Variants in DLG5 observed in about 807,000 individuals in gnomAD.
DLG5 encodes the protein discs large MAGUK scaffold protein 5.
Under a neutral mutation model 189.8 loss-of-function variants are expected in DLG5, and 48 were observed. The ratio of observed to expected loss-of-function variants is 0.25; its 90% CI spans 0.20 to 0.32. The LOEUF is 0.32. Ranked by LOEUF, DLG5 falls within the 10% of genes least tolerant of loss-of-function variation. DLG5 has a pLI of 1.00. For missense variants in DLG5, 2,160 were observed against 2,544.7 expected (o/e 0.85, Z 3.25); for synonymous variants, 1,016 against 1,054.1 (o/e 0.96, Z 0.70).
chr10:77,881,326 T>C (rs1387060505), intron 1 of DLG5, among the ~76,000 whole-genome samples: 1 of 152,058 alleles, frequency 6.6e-6, no homozygotes, highest in Non-Finnish European at 1.5e-5. Context: ...GAACAGGAGA[T>C]ACCTAGTAAT....
intron 20 of DLG5, among the ~76,000 whole-genome samples, chr10:77,814,390 A>G (rs1450670223): frequency 2.0e-5 from 3 of 149,198 alleles, no homozygotes. Context: ...AAGTATACTT[A>G]AACTATTAAA....
rs1253849767 is a variant in DLG5 at position 77,830,761 on chromosome 10, C to A, written c.1861G>T (p.Val621Leu). Residue 621 changes from valine (V) to leucine (L), a missense_variant, in exon 10 of 32, where the codon GTA (valine) becomes TTA (leucine). Physicochemically the swap from Val to Leu is conservative, Grantham distance 32 (BLOSUM62 1). Coordinates refer to ENST00000372391, the MANE Select transcript of DLG5 (RefSeq NM_004747.4). ...CTTACCGTCTCCCTCTCGAACTCTA[C>A]AACTTCCGTTTCCCACTCCATGGAA... ...TDSMEWETEV[V>L]EFERETEDID... is the part of the protein sequence containing the mutation. 9 of 1,614,218 alleles carry A rather than the reference C, an allele frequency of 5.6e-6. No homozygotes were observed. The highest frequency in any genetic ancestry group is 7.6e-6 in the Non-Finnish European group (9 of 1,180,036).
At chr10:77,940,355 A>T in the DLG5 span, among the ~76,000 whole-genome samples, 1 of 152,180 alleles carries the variant, frequency 6.6e-6, no homozygotes, top group Admixed American at 6.5e-5. Flanking sequence ...CTCTGAATCA[A>T]TAGGCTTTGC....
chr10:77,903,565 C>A lies in DLG5; in HGVS notation c.304+22652G>T, dbSNP rs1276092710. Among the ~76,000 whole-genome samples the A allele has an allele frequency of 4.0e-5, 6 of 150,940 alleles. No homozygotes were observed. In the East Asian group the frequency reaches 1.2e-3, roughly 29 times the overall value. Reference sequence around the variant, plus strand: ...CCTGGGAGGCAGAGGTTGCGGTGAGCCGAGATCGTGACACTGCACTTCAGC... The same window carrying A: ...CCTGGGAGGCAGAGGTTGCGGTGAGACGAGATCGTGACACTGCACTTCAGC... On this transcript the variant is annotated intron_variant, in intron 1 of 31. Transcript: ENST00000372391.
rs1471040270 is a variant in DLG5 at position 77,926,670 on chromosome 10, G to A, written c.-150C>T. 6 of 398,734 alleles carry A rather than the reference G, an allele frequency of 1.5e-5. No individual in the cohort carries two copies. In the South Asian group the frequency reaches 5.0e-4, roughly 33 times the overall value. The allele number at this position is 398,734 out of a possible 1,614,324, so 24.7% of individuals were successfully genotyped here. ...TGGGCCGGGGCCTGGGCGGGCTGGG[G>A]GCCCGGGGCGGCGGGCGGCGCTCAG... On this transcript the variant is annotated 5_prime_UTR_variant, in exon 1 of 32. Coordinates refer to ENST00000372391, the MANE Select transcript of DLG5 (RefSeq NM_004747.4). This position sits in a 1 kb window ranked among gnomAD's most constrained non-coding sequence, Gnocchi z 5.2.
chr10:77,860,240 C>G (rs1379695411), intron 2 of DLG5, among the ~76,000 whole-genome samples: 1 of 152,208 alleles, frequency 6.6e-6, no homozygotes. Flanking sequence ...TCGGTGCCTC[C>G]CAAATAACAA....
At position 77,796,972 on chromosome 10, in the gene DLG5, A is replaced by C. The variant is rs1840956820; in HGVS notation, c.5165-378T>G. 6.6e-6 allele frequency among the ~76,000 whole-genome samples: 1 copy of C among 152,196 alleles called. No individual in the cohort carries two copies. The highest frequency in any genetic ancestry group is 6.5e-5 in the Admixed American group (1 of 15,274). On this transcript the variant is annotated intron_variant, in intron 27 of 31. Transcript: ENST00000372391. The surrounding 1 kb of genome is among the most constrained non-coding windows in gnomAD (Gnocchi z 5.2). ...TCCCACTCCCCAGGAAGGTGTGGTC[A>C]GTGTAACCCAGACCTGCCCAGTGAC...
chr10:77,896,249 C>T (rs1054142430), intron 1 of DLG5, among the ~76,000 whole-genome samples: 1 of 152,068 alleles, frequency 6.6e-6, no homozygotes, highest in South Asian at 2.1e-4. Context: ...GCTAGTATAA[C>T]GTTAGCATAA....
intron 1 of DLG5, among the ~76,000 whole-genome samples, chr10:77,888,853 T>C (rs2154577584): frequency 6.6e-6 from 1 of 152,326 alleles, no homozygotes; most frequent in East Asian, 1.9e-4. Flanking sequence ...TGTGTGTGTT[T>C]GAGGGGTAGT....
intron 30 of DLG5, among the ~76,000 whole-genome samples, 178 bp downstream of exon 30, chr10:77,794,671 G>C (rs992079618): frequency 7.2e-5 from 11 of 152,230 alleles, no homozygotes; most frequent in African/African-American, 2.7e-4. Context: ...CACCACCTCT[G>C]AGTAGGGGAC....
intron 1 of DLG5, among the ~76,000 whole-genome samples, chr10:77,907,177 G>A (rs1318984287): frequency 1.3e-5 from 2 of 152,156 alleles, no homozygotes; most frequent in Non-Finnish European, 2.9e-5. Flanking sequence ...CCCTGAGTTG[G>A]GGGTAGAGTA....
At chr10:77,894,116 T>C (rs1222285910) in intron 1 of DLG5, among the ~76,000 whole-genome samples, 1 of 152,206 alleles carries the variant, frequency 6.6e-6, no homozygotes, top group Non-Finnish European at 1.5e-5. Flanking sequence ...ATCTGAACCC[T>C]AGCCTGTGTG....
intron 1 of DLG5, among the ~76,000 whole-genome samples, chr10:77,917,106 G>A (rs542375932): frequency 6.6e-6 from 1 of 151,758 alleles, no homozygotes; most frequent in Non-Finnish European, 1.5e-5. Context: ...AGGCCAAGGC[G>A]GCCAGATCGC....
intron 1 of DLG5, among the ~76,000 whole-genome samples, chr10:77,905,342 G>A (rs1008857580): frequency 3.3e-5 from 5 of 152,124 alleles, no homozygotes; most frequent in East Asian, 1.9e-4. Flanking sequence ...CAATAAACAC[G>A]TGGAATGGAG....
At chr10:77,853,615 C>A in intron 4 of DLG5, 78 bp from the exon 5 acceptor site, 1 of 1,365,292 alleles carries the variant, frequency 7.3e-7, no homozygotes, top group Non-Finnish European at 9.7e-7. Context: ...TCACCAGCCT[C>A]AGGTCCCAAC....
intron 27 of DLG5, among the ~76,000 whole-genome samples, chr10:77,798,671 G>C (rs887266842): frequency 6.6e-6 from 1 of 152,250 alleles, no homozygotes; most frequent in East Asian, 1.9e-4. Context: ...CTGGTGATTC[G>C]TCGTGGGCCG....
intron 1 of DLG5, among the ~76,000 whole-genome samples, chr10:77,925,779 A>C (rs1339065788): frequency 6.6e-6 from 1 of 152,182 alleles, no homozygotes; most frequent in Admixed American, 6.5e-5. Context: ...GCCCCGGCAC[A>C]GGATGGCAGC....
chr10:77,821,540 G>A lies in DLG5; in HGVS notation c.2944C>T (p.Pro982Ser), dbSNP rs376102171. The stretch of plus-strand genomic sequence containing the variant: ...TAGTCTATTTTGGGGGGTGTCTGGG[G>A]GCGTTTGAAAGTGTTAGGGTCAAAG... ...SIFDPNTFKR[P>S]QTPPKIDYLL... The change falls in exon 15 of 32, where the codon CCC becomes TCC. Residue 982 changes from proline (P) to serine (S), a missense_variant. By Grantham distance (74) the Pro-to-Ser change is moderately conservative. Coordinates refer to ENST00000372391, the MANE Select transcript of DLG5 (RefSeq NM_004747.4). 1.2e-6 allele frequency: 2 copies of A among 1,612,732 alleles called. No homozygotes were observed. The highest frequency in any genetic ancestry group is 1.3e-5 in the African/African-American group (1 of 74,916).
chr10:77,829,338 G>T lies in DLG5; in HGVS notation c.2185+17C>A. 6.2e-7 allele frequency: 1 copy of T among 1,613,142 alleles called. No homozygotes were observed. The highest frequency in any genetic ancestry group is 8.5e-7 in the Non-Finnish European group (1 of 1,180,002). ...CCAGCCACCTGAGGCACTCTGCCAT[G>T]TTCACAGGCCCGCTACCTTTCTGTC... On this transcript the variant is annotated intron_variant, in intron 12 of 31. Coordinates refer to ENST00000372391, the MANE Select transcript of DLG5 (RefSeq NM_004747.4).
Sources: allele counts gnomAD v4.1 joint callset (sites outside exome capture counted in the v4.1 genomes callset), GRCh38; gene constraint gnomAD v4.1.1; non-coding constraint Gnocchi (gnomAD v3.1); transcripts MANE v1.5; gene names NCBI Gene and HGNC (gene_info 2026-07-23, HGNC 2026-07-21).